Variants in ST18 observed in about 807,000 individuals in gnomAD.
ST18 encodes ST18 C2H2C-type zinc finger transcription factor.
ST18 carries 50 observed loss-of-function variants against 110.0 expected under a neutral mutation model. The ratio of observed to expected loss-of-function variants is 0.45; its 90% CI spans 0.36 to 0.58. The LOEUF is 0.58. Among genes scored for constraint, ST18 ranks in the 20% least tolerant of loss-of-function variants. The probability of loss-of-function intolerance (pLI) is 0.00; values close to 1 mark genes in which losing one functional copy is unlikely to be tolerated. For synonymous variants in ST18, 461 were observed against 452.4 expected (o/e 1.02, Z -0.24); for missense variants, 1,306 against 1,280.1 (o/e 1.02, Z -0.31).
chr8:52,133,594 CT>C (rs574611649), intron 19 of ST18, among the ~76,000 whole-genome samples: 62 of 147,528 alleles, frequency 4.2e-4, no homozygotes, highest in Admixed American at 6.1e-4. Flanking sequence ...ATTGTACATT[CT>C]TTTTTTTTTA....
At chr8:52,360,402 C>T (rs1456850964) in intron 2 of ST18, among the ~76,000 whole-genome samples, 2 of 151,972 alleles carry the variant, frequency 1.3e-5, no homozygotes, top group Non-Finnish European at 2.9e-5. Context: ...ACGCTTCATT[C>T]AGGCTACATA....
intron 22 of ST18, among the ~76,000 whole-genome samples, chr8:52,131,706 A>G (rs1399934997): frequency 6.6e-6 from 1 of 152,234 alleles, no homozygotes; most frequent in Non-Finnish European, 1.5e-5. Context: ...GCAATATTTT[A>G]GAATACAAAT....
intron 2 of ST18, among the ~76,000 whole-genome samples, chr8:52,280,094 A>G (rs909359673): frequency 4.6e-5 from 7 of 152,054 alleles, no homozygotes; most frequent in Admixed American, 3.3e-4. Flanking sequence ...GAGAATGGAG[A>G]AGGTGTTGGT....
At chr8:52,282,674 C>T (rs73679032) in intron 2 of ST18, among the ~76,000 whole-genome samples, 8,470 of 152,066 alleles carry the variant, frequency 0.056, 801 homozygotes, top group African/African-American at 0.19. Context: ...GAGGTATGAA[C>T]CCCTCAGCCA....
Position 52,216,162 on chromosome 8 carries a change from T to A in ST18, c.-1+1584A>T, listed in dbSNP as rs149584055. 1.1e-4 allele frequency among the ~76,000 whole-genome samples: 17 copies of A among 152,354 alleles called. No individual in the cohort carries two copies. The East Asian group carries it at 3.1e-3, about 28-fold the overall frequency. On this transcript the variant is annotated intron_variant, in intron 6 of 25. Coordinates refer to ENST00000689386, the MANE Select transcript of ST18 (RefSeq NM_001352837.2). ...GTGCCAGTGGACACAAATCAAAATT[T>A]CAGAAGCATACTTAAGTGCAATCTT...
At chr8:52,128,339 C>T (rs1400501725) in intron 22 of ST18, among the ~76,000 whole-genome samples, 1 of 152,160 alleles carries the variant, frequency 6.6e-6, no homozygotes, top group Non-Finnish European at 1.5e-5. Context: ...ATCTCGTGAA[C>T]ATAATTGCTT....
chr8:52,216,844 C>T (rs1298728669), intron 6 of ST18, among the ~76,000 whole-genome samples: 3 of 152,064 alleles, frequency 2.0e-5, no homozygotes, highest in Admixed American at 6.5e-5. Context: ...AGTACCTTGT[C>T]CAAGTAATGG....
intron 2 of ST18, among the ~76,000 whole-genome samples, chr8:52,234,352 C>T (rs1280799921): frequency 6.6e-6 from 1 of 152,024 alleles, no homozygotes. Flanking sequence ...GCAACCTCCG[C>T]CCCCCGGATT....
chr8:52,124,208 CT>C (rs2046103041), intron 23 of ST18, among the ~76,000 whole-genome samples: 1 of 151,654 alleles, frequency 6.6e-6, no homozygotes, highest in Admixed American at 6.6e-5. Flanking sequence ...CAGAGTCTCA[CT>C]CTGTTGCCCA....
intron 2 of ST18, among the ~76,000 whole-genome samples, chr8:52,278,178 G>A (rs571318773): frequency 2.1e-4 from 32 of 152,106 alleles, no homozygotes; most frequent in Admixed American, 3.3e-4. Flanking sequence ...CAGCATCCTC[G>A]TAACAGATTT....
chr8:52,113,476 G>T, intron 25 of ST18, 138 bp from the exon 26 acceptor site: 2 of 887,436 alleles, frequency 2.3e-6, no homozygotes, highest in Non-Finnish European at 3.5e-6. Context: ...GGGTTGCAGG[G>T]GATGGAGAGA....
chr8:52,289,655 A>G (rs969108634), intron 2 of ST18, among the ~76,000 whole-genome samples: 2 of 152,096 alleles, frequency 1.3e-5, no homozygotes, highest in African/African-American at 2.4e-5. Context: ...TTCTTTCTCC[A>G]GGAAAATAAG....
chr8:52,386,477 A>C (rs543166514), intron 2 of ST18, among the ~76,000 whole-genome samples: 1 of 152,106 alleles, frequency 6.6e-6, no homozygotes, highest in African/African-American at 2.4e-5. Flanking sequence ...TTCTTAAAAA[A>C]AAAAAAGAAT....
At chr8:52,372,973 A>C (rs183944059) in intron 2 of ST18, among the ~76,000 whole-genome samples, 11 of 152,332 alleles carry the variant, frequency 7.2e-5, no homozygotes, top group Admixed American at 7.2e-4. Flanking sequence ...CACCGTGAAA[A>C]GTTTTGTACA....
chr8:52,381,190 C>A (rs1234419932), intron 2 of ST18, among the ~76,000 whole-genome samples: 2 of 152,170 alleles, frequency 1.3e-5, no homozygotes, highest in African/African-American at 2.4e-5. Flanking sequence ...AGGCATGTCC[C>A]AGCTACCTGC....
chr8:52,398,402 T>C (rs1291011357), intron 2 of ST18, among the ~76,000 whole-genome samples: 1 of 152,206 alleles, frequency 6.6e-6, no homozygotes, highest in East Asian at 1.9e-4. Flanking sequence ...TTGGATACTT[T>C]CTATTTCTTT....
At chr8:52,332,845 T>A (rs985038946) in intron 2 of ST18, among the ~76,000 whole-genome samples, 49 of 152,114 alleles carry the variant, frequency 3.2e-4, no homozygotes, top group African/African-American at 1.1e-3. Flanking sequence ...AGCAAGACTC[T>A]GTCAAAAAAC....
chr8:52,129,451 CAAAAA>C (rs34059224), intron 22 of ST18, among the ~76,000 whole-genome samples: 1 of 72,246 alleles, frequency 1.4e-5, no homozygotes, highest in African/African-American at 4.5e-5. Context: ...GAGACTCCAT[CAAAAA>C]AAAAAAAAAA....
intron 6 of ST18, 156 bp from the exon 7 acceptor site, chr8:52,214,413 C>G (rs547628884): frequency 1.6e-6 from 1 of 638,968 alleles, no homozygotes; most frequent in Non-Finnish European, 2.7e-6. Context: ...TGTGACTCCC[C>G]CCACATACCA....
Sources: allele counts gnomAD v4.1 joint callset (sites outside exome capture counted in the v4.1 genomes callset), GRCh38; gene constraint gnomAD v4.1.1; transcripts MANE v1.5; gene names NCBI Gene and HGNC (gene_info 2026-07-23, HGNC 2026-07-21).